Variants in GULP1 observed in about 807,000 individuals in gnomAD.
GULP1 encodes GULP PTB domain containing engulfment adaptor 1, also known as PTB domain-containing engulfment adapter protein 1.
A neutral mutation model predicts 40.9 loss-of-function variants in GULP1; 19 were observed. That is an observed-to-expected ratio of 0.46 (90% confidence interval 0.32 to 0.68). The LOEUF (loss-of-function observed/expected upper bound fraction) is 0.68, where lower values mean the gene tolerates loss of function less well. GULP1 is among the 30% of genes least tolerant of loss of function. The pLI is 0.03. For missense variants in GULP1, 312 were observed against 362.2 expected (o/e 0.86, Z 1.12); for synonymous variants, 119 against 117.6 (o/e 1.01, Z -0.08).
intron 1 of GULP1, among the ~76,000 whole-genome samples, chr2:188,321,334 A>G (rs1401551859): frequency 6.6e-6 from 1 of 152,172 alleles, no homozygotes; most frequent in Non-Finnish European, 1.5e-5. Context: ...AGATTTGAAA[A>G]TGGCATATCC....
chr2:188,320,952 C>T (rs1329858659), intron 1 of GULP1, among the ~76,000 whole-genome samples: 2 of 151,412 alleles, frequency 1.3e-5, no homozygotes, highest in Non-Finnish European at 2.9e-5. Flanking sequence ...AAGAAACCAA[C>T]TGTCCTTCAG....
At chr2:188,522,862 T>A in intron 5 of GULP1, 35 bp downstream of exon 5, 1 of 1,292,018 alleles carries the variant, frequency 7.7e-7, no homozygotes, top group Non-Finnish European at 1.1e-6. Flanking sequence ...TACAAGTGTA[T>A]TGACTCTGTC....
chr2:188,329,822 C>T (rs2152033286), intron 1 of GULP1, among the ~76,000 whole-genome samples: 1 of 152,138 alleles, frequency 6.6e-6, no homozygotes, highest in Non-Finnish European at 1.5e-5. Context: ...AAGATGGGGA[C>T]AGGATTTGCT....
intron 7 of GULP1, among the ~76,000 whole-genome samples, chr2:188,550,342 G>C (rs1304626325): frequency 6.6e-6 from 1 of 151,578 alleles, no homozygotes; most frequent in Non-Finnish European, 1.5e-5. Flanking sequence ...AACTAGAACA[G>C]AGAATTTATT....
chr2:188,499,122 C>T (rs1367002155), intron 4 of GULP1, among the ~76,000 whole-genome samples: 1 of 107,830 alleles, frequency 9.3e-6, no homozygotes, highest in African/African-American at 3.5e-5. Flanking sequence ...TACAAATGCA[C>T]ATATATGTGT....
chr2:188,517,632 A>G (rs1476406329), intron 4 of GULP1, among the ~76,000 whole-genome samples: 1 of 152,166 alleles, frequency 6.6e-6, no homozygotes, highest in Non-Finnish European at 1.5e-5. Context: ...GGACTTGAGC[A>G]GGGCTTGTCA....
At chr2:188,557,578 G>A (rs920551087) in intron 7 of GULP1, among the ~76,000 whole-genome samples, 3 of 152,192 alleles carry the variant, frequency 2.0e-5, no homozygotes, top group East Asian at 3.9e-4. Flanking sequence ...TGCCATTAAG[G>A]TTCAGCCCTA....
At chr2:188,466,529 G>T (rs1330810242) in intron 2 of GULP1, 2 of 149,986 alleles carry the variant, frequency 1.3e-5, no homozygotes, top group Non-Finnish European at 2.9e-5. Flanking sequence ...CTGACCTCGT[G>T]ATCCGCCTGC....
At chr2:188,558,911 A>G (rs986633644) in intron 7 of GULP1, among the ~76,000 whole-genome samples, 1 of 152,156 alleles carries the variant, frequency 6.6e-6, no homozygotes, top group African/African-American at 2.4e-5. Context: ...GCATTCAAGA[A>G]GTGACTTGGG....
intron 4 of GULP1, among the ~76,000 whole-genome samples, chr2:188,517,744 C>A (rs899769298): frequency 6.6e-5 from 10 of 151,860 alleles, no homozygotes; most frequent in Admixed American, 1.3e-4. Context: ...GGGAAAAATT[C>A]TTCTGCTTGG....
chr2:188,501,159 T>C (rs2063397070), intron 4 of GULP1, among the ~76,000 whole-genome samples: 1 of 151,880 alleles, frequency 6.6e-6, no homozygotes, highest in African/African-American at 2.4e-5. Flanking sequence ...CCCAAATCTC[T>C]TGTGAAATTA....
rs571690188 is a variant in GULP1, at chr2:188,291,985, G to A, written c.-353G>A. On this transcript the variant is annotated 5_prime_UTR_variant, in exon 1 of 12. Coordinates refer to ENST00000409830, the MANE Select transcript of GULP1 (RefSeq NM_016315.4). ...GGAGGGAGGGGGGAGAGAGCGCGAA[G>A]AGGGAGGGGACCGAAGCTGGAGGGT... 2 of 151,864 alleles carry A rather than the reference G, an allele frequency of 1.3e-5. No individual in the cohort carries two copies. The highest frequency in any genetic ancestry group is 1.3e-4 in the Admixed American group (2 of 15,286). 9.4% of individuals were successfully genotyped at this position (151,864 alleles called of 1,614,324 possible).
intron 1 of GULP1, among the ~76,000 whole-genome samples, chr2:188,363,050 C>T (rs1402962115): frequency 6.6e-6 from 1 of 151,982 alleles, no homozygotes; most frequent in African/African-American, 2.4e-5. Context: ...CAGTTAATTT[C>T]CTAGGAGTTA....
At position 188,477,728 on chromosome 2, in the gene GULP1, AAGG is replaced by A; in HGVS notation, c.27_28+1del. On this transcript the variant is annotated splice_donor_variant and coding_sequence_variant, in exon 3 of 12. Transcript: ENST00000409830. LOFTEE classifies it high-confidence loss of function. ...ATGAACCGTGCTTTTAGCAGGAAGAAAGGTAAGTGTGGTCATTTTTTAAAACTT... is the reference window on the plus strand; with the variant it reads ...ATGAACCGTGCTTTTAGCAGGAAGAATAAGTGTGGTCATTTTTTAAAACTT... 1 of 1,599,970 alleles carries A rather than the reference AAGG, an allele frequency of 6.3e-7. No individual in the cohort carries two copies. Among genetic ancestry groups the A allele is most frequent in the African/African-American group, 1.3e-5 (1 of 74,124 alleles).
At chr2:188,314,975 T>G (rs1412700203) in intron 1 of GULP1, among the ~76,000 whole-genome samples, 2 of 152,134 alleles carry the variant, frequency 1.3e-5, no homozygotes, top group Non-Finnish European at 2.9e-5. Context: ...CAGGTAACCC[T>G]TATTTTACTT....
intron 1 of GULP1, among the ~76,000 whole-genome samples, chr2:188,364,825 A>G (rs2046555138): frequency 6.6e-6 from 1 of 150,464 alleles, no homozygotes; most frequent in African/African-American, 2.4e-5. Flanking sequence ...ACATATATAC[A>G]TATATGATCC....
intron 1 of GULP1, among the ~76,000 whole-genome samples, chr2:188,363,428 T>C (rs2046346513): frequency 6.6e-6 from 1 of 152,128 alleles, no homozygotes; most frequent in African/African-American, 2.4e-5. Flanking sequence ...GACCTAATTA[T>C]GGAGGAGTGT....
intron 1 of GULP1, among the ~76,000 whole-genome samples, chr2:188,349,354 A>G (rs138008266): frequency 3.2e-4 from 49 of 152,284 alleles, no homozygotes; most frequent in Non-Finnish European, 4.6e-4. Flanking sequence ...GTATTTTACA[A>G]TCCTATCAAC....
chr2:188,336,751 G>C (rs537521092), intron 1 of GULP1, among the ~76,000 whole-genome samples: 2 of 152,308 alleles, frequency 1.3e-5, no homozygotes, highest in South Asian at 2.1e-4. Context: ...CTCAAGGCTA[G>C]AAATTCTAAG....
Sources: gnomAD v4.1 joint callset for allele counts (sites outside exome capture counted in the v4.1 genomes callset) on GRCh38, gnomAD v4.1.1 for gene constraint, MANE v1.5 for transcripts, NCBI Gene and HGNC (gene_info 2026-07-23, HGNC 2026-07-21) for gene names.